Variants in BCAM observed in about 807,000 individuals in gnomAD.
The protein encoded by BCAM is basal cell adhesion molecule.
BCAM carries 61 observed loss-of-function variants against 72.4 expected under a neutral mutation model. The ratio of observed to expected loss-of-function variants is 0.84; its 90% CI spans 0.69 to 1.04. BCAM has a LOEUF of 1.04. BCAM is among the 50% of genes least tolerant of loss of function. BCAM has a pLI of 0.00. For synonymous variants in BCAM, 408 were observed against 384.2 expected, an observed-to-expected ratio of 1.06 and a Z score of -0.73; for missense variants, 909 against 895.0, an observed-to-expected ratio of 1.02 and a Z score of -0.20.
chr19:44,817,796 G>A (rs148080213), intron 8 of BCAM, among the ~76,000 whole-genome samples: 89 of 152,214 alleles, frequency 5.8e-4, no homozygotes, highest in African/African-American at 2.0e-3. Flanking sequence ...CACCCGCCTC[G>A]GCCTCCCAAA....
In BCAM at chr19:44,818,736, C is replaced by T. The variant is rs745963661; in HGVS notation, c.1195-5C>T. On this transcript the variant is annotated splice_region_variant and splice_polypyrimidine_tract_variant and intron_variant, in intron 9 of 14. Coordinates refer to ENST00000270233, the MANE Select transcript of BCAM (RefSeq NM_005581.5). This position sits in a 1 kb window ranked among gnomAD's most constrained non-coding sequence, Gnocchi z 4.6. ...AGCGTCCTCCTCCTCCTCTGCCCTT[C>T]CCAGGACTCCACTCCCCTGGGCGAT... The T allele has an allele frequency of 6.2e-7, 1 of 1,613,906 alleles. No individual in the cohort carries two copies. Among genetic ancestry groups the T allele is most frequent in the African/African-American group, 1.3e-5 (1 of 74,920 alleles).
Position 44,813,179 on chromosome 19 carries a change from A to T in BCAM, c.505-71A>T. The T allele has an allele frequency of 2.0e-6, 3 of 1,537,056 alleles. No homozygotes were observed. The highest frequency in any genetic ancestry group is 4.5e-5 in the East Asian group (2 of 44,362). ...CGGCTCATGAGTCTGAGTGGGGAGA[A>T]CTCCTGAGAGAGGAGCCCCGACTTC... On this transcript the variant is annotated intron_variant, in intron 4 of 14. Transcript: ENST00000270233. The surrounding 1 kb of genome is among the most constrained non-coding windows in gnomAD (Gnocchi z 4.2).
At position 44,814,269 on chromosome 19, in the gene BCAM, A is replaced by G; in HGVS notation, c.902A>G (p.Tyr301Cys). The G allele has an allele frequency of 6.3e-7, 1 of 1,596,160 alleles. No individual in the cohort carries two copies. Among genetic ancestry groups the G allele is most frequent in the Non-Finnish European group, 8.5e-7 (1 of 1,176,026 alleles). Residue 301 changes from tyrosine to cysteine, a missense_variant, in exon 7 of 15, where the codon TAT becomes TGT. Coordinates refer to ENST00000270233, the MANE Select transcript of BCAM (RefSeq NM_005581.5). This position sits in a 1 kb window ranked among gnomAD's most constrained non-coding sequence, Gnocchi z 4.6. ...CRGDGSPSPE[Y>C]TLFRLQDEQE... ...GGGGACGGCAGCCCCAGCCCGGAGT[A>G]TACGCTTTTCCGCCTTCAGGTGACC...
Position 44,812,432 on chromosome 19 carries a change from G to A in BCAM, c.433+41G>A, listed in dbSNP as rs563982075. ...CATCCCCCGAAGGGAGGCAGGCAGG[G>A]AGGGGCGCAGGGCAGGGGCTCCTGA... On this transcript the variant is annotated intron_variant, in intron 3 of 14. Coordinates refer to ENST00000270233, the MANE Select transcript of BCAM (RefSeq NM_005581.5). The surrounding 1 kb of genome is among the most constrained non-coding windows in gnomAD (Gnocchi z 5.3). 7.9e-5 allele frequency: 127 copies of A among 1,614,192 alleles called. 3 individuals carry two copies. The South Asian group carries it at 1.3e-3, about 17-fold the overall frequency.
rs1216507571 is a variant in BCAM, at chr19:44,819,328, T to C, written c.1474-18T>C. ...CCCCTTGACCCCACCAGCCGGGGCC[T>C]GATCGGAGCCTCCATAGCCCGCAGA... On this transcript the variant is annotated intron_variant, in intron 11 of 14. Coordinates refer to ENST00000270233, the MANE Select transcript of BCAM (RefSeq NM_005581.5). 6.2e-7 allele frequency: 1 copy of C among 1,613,956 alleles called. No individual in the cohort carries two copies. The highest frequency in any genetic ancestry group is 8.5e-7 in the Non-Finnish European group (1 of 1,179,904).
chr19:44,810,146 G>C (rs1968398039), intron 1 of BCAM, among the ~76,000 whole-genome samples: 1 of 152,124 alleles, frequency 6.6e-6, no homozygotes, highest in African/African-American at 2.4e-5. Flanking sequence ...AGCACTGAGA[G>C]CTGATGCCAG....
Position 44,813,566 on chromosome 19 carries a change from C to T in BCAM, c.730C>T (p.Pro244Ser), listed in dbSNP as rs1258346262. The change falls in exon 6 of 15, where the codon CCC becomes TCC. Residue 244 changes from proline (P) to serine (S), a missense_variant. Physicochemically the swap from Pro to Ser is moderately conservative, Grantham distance 74 (BLOSUM62 -1). Transcript: ENST00000270233. This position sits in a 1 kb window ranked among gnomAD's most constrained non-coding sequence, Gnocchi z 4.2. ...CCACTGCGCCGCCCACTACAGCCTG[C>T]CCGAGGGCCGCCACGGCCGCCTGGA... Reference protein sequence around the residue: ...SFHCAAHYSLPEGRHGRLDSP... With the variant: ...SFHCAAHYSLSEGRHGRLDSP... The T allele has an allele frequency of 6.2e-7, 1 of 1,612,506 alleles. No homozygotes were observed. Among genetic ancestry groups the T allele is most frequent in the East Asian group, 2.2e-5 (1 of 44,896 alleles).
In BCAM at chr19:44,812,594, G is replaced by A. The variant is rs1203429429; in HGVS notation, c.504+46G>A. ...GGCCCCAGGGTCCTGGAGGAGGAGG[G>A]GACAGGGCCCTGGACTCCTGGGTCT... On this transcript the variant is annotated intron_variant, in intron 4 of 14. Transcript: ENST00000270233. This position sits in a 1 kb window ranked among gnomAD's most constrained non-coding sequence, Gnocchi z 5.3. The A allele has an allele frequency of 6.2e-7, 1 of 1,606,898 alleles. No homozygotes were observed. Among genetic ancestry groups the A allele is most frequent in the East Asian group, 2.2e-5 (1 of 44,784 alleles).
rs539905238 is a variant in BCAM at position 44,819,422 on chromosome 19, G to C, written c.1550G>C (p.Arg517Pro). Residue 517 changes from arginine (R) to proline (P), a missense_variant, in exon 12 of 15, where the codon CGC becomes CCC. Arg to Pro is a moderately radical substitution (Grantham distance 103). Coordinates refer to ENST00000270233, the MANE Select transcript of BCAM (RefSeq NM_005581.5). ...CTGAAAGTGACCAGCGCCCTGAGCCGCGATGGCATCTCCTGTGAAGCCTCC... is the reference window on the plus strand; with the variant it reads ...CTGAAAGTGACCAGCGCCCTGAGCCCCGATGGCATCTCCTGTGAAGCCTCC... Reference protein sequence around the residue: ...LTLKVTSALSRDGISCEASNP... With the variant: ...LTLKVTSALSPDGISCEASNP... 1.9e-6 allele frequency: 3 copies of C among 1,614,070 alleles called. No homozygotes were observed. The highest frequency in any genetic ancestry group is 1.7e-4 in the Middle Eastern group (1 of 6,058).
Position 44,820,709 on chromosome 19 carries a change from C to A in BCAM, c.1768C>A (p.Pro590Thr). The A allele has an allele frequency of 7.1e-7, 1 of 1,401,592 alleles. No individual in the cohort carries two copies. 86.8% of individuals were successfully genotyped at this position (1,401,592 alleles called of 1,614,324 possible). A position where few individuals can be genotyped will look rare whatever the true frequency, so the allele number is the denominator to read the frequency against. ...CCCGCTGCCTCCTCCCCCCAGGCCG[C>A]CAGGGGAGCCAGGGCTGAGCCACTC... ...RQRREKGAPPPGEPGLSHSGS... is the reference protein window; with the variant it reads ...RQRREKGAPPTGEPGLSHSGS... The change falls in exon 14 of 15, where the codon CCA (proline) becomes ACA (threonine). Residue 590 changes from proline to threonine, a missense_variant. By Grantham distance (38) the Pro-to-Thr change is conservative. Transcript: ENST00000270233.
chr19:44,811,315 C>T lies in BCAM; in HGVS notation c.173C>T (p.Thr58Ile). Residue 58 changes from threonine to isoleucine, a missense_variant, in exon 2 of 15, where the codon ACC (threonine) becomes ATC (isoleucine). By Grantham distance (89) the Thr-to-Ile change is moderately conservative. Transcript: ENST00000270233. ...SVILDCTPTGTHDHYMLEWFL... is the reference protein window; with the variant it reads ...SVILDCTPTGIHDHYMLEWFL... The stretch of plus-strand genomic sequence containing the variant: ...ATTCTGGACTGCACCCCTACGGGAA[C>T]CCACGACCATTATATGCTGGAATGG... 6.2e-7 allele frequency: 1 copy of T among 1,613,342 alleles called. No homozygotes were observed.
At position 44,813,388 on chromosome 19, in the gene BCAM, G is replaced by A. The variant is rs779429041; in HGVS notation, c.601+42G>A. On this transcript the variant is annotated intron_variant, in intron 5 of 14. Transcript: ENST00000270233. The surrounding 1 kb of genome is among the most constrained non-coding windows in gnomAD (Gnocchi z 4.2). ...CGCGGCGGGACGTGGGCTGGGGTGG[G>A]TGGCGGGGCTATGGCCTGGCTGACT... The A allele has an allele frequency of 6.8e-6, 11 of 1,609,374 alleles. No individual in the cohort carries two copies. The African/African-American group carries it at 1.2e-4, about 18-fold the overall frequency.
In BCAM at chr19:44,820,754, C is replaced by T; in HGVS notation, c.1813C>T (p.Gln605Ter). Residue 605 changes from glutamine to a stop codon, truncating the protein, a stop_gained, in exon 14 of 15, where the codon CAG becomes TAG. Coordinates refer to ENST00000270233, the MANE Select transcript of BCAM (RefSeq NM_005581.5). LOFTEE classifies it high-confidence loss of function. ...CCACTCGGGGTCGGAGCAACCAGAG[C>T]AGACCGGCCTTCTCATGGGAGGTGC... is the stretch of plus-strand genomic sequence containing the variant. ...LSHSGSEQPE[Q>*]TGLLMGGASG... 1 of 1,497,302 alleles carries T rather than the reference C, an allele frequency of 6.7e-7. No homozygotes were observed. The highest frequency in any genetic ancestry group is 8.9e-7 in the Non-Finnish European group (1 of 1,118,580). The allele number at this position is 1,497,302 out of a possible 1,614,324, so 92.8% of individuals were successfully genotyped here.
rs775728050 is a variant in BCAM, at chr19:44,814,713, C to T, written c.1031C>T (p.Ala344Val). 5.6e-6 allele frequency: 9 copies of T among 1,613,820 alleles called. No homozygotes were observed. The highest frequency in any genetic ancestry group is 4.4e-5 in the South Asian group (4 of 91,074). Reference sequence around the variant, plus strand: ...GGCTGCAGAGTGGAGGATTACGACGCGGCAGATGACGTGCAGCTCTCCAAG... The same window carrying T: ...GGCTGCAGAGTGGAGGATTACGACGTGGCAGATGACGTGCAGCTCTCCAAG... ...TYGCRVEDYD[A>V]ADDVQLSKTL... Residue 344 changes from alanine (A) to valine (V), a missense_variant, in exon 8 of 15, where the codon GCG becomes GTG. Ala to Val is a moderately conservative substitution (Grantham distance 64, BLOSUM62 0). Transcript: ENST00000270233. The surrounding 1 kb of genome is among the most constrained non-coding windows in gnomAD (Gnocchi z 4.6).
chr19:44,814,580 G>C lies in BCAM; in HGVS notation c.922-24G>C, dbSNP rs1038058959. 6.2e-7 allele frequency: 1 copy of C among 1,606,196 alleles called. No individual in the cohort carries two copies. Among genetic ancestry groups the C allele is most frequent in the African/African-American group, 1.3e-5 (1 of 74,820 alleles). On this transcript the variant is annotated intron_variant, in intron 7 of 14. Coordinates refer to ENST00000270233, the MANE Select transcript of BCAM (RefSeq NM_005581.5). The surrounding 1 kb of genome is among the most constrained non-coding windows in gnomAD (Gnocchi z 4.6). ...CTGAACCGGGGTGGCTTCTGAGCCT[G>C]GTTCCTCGTCCCCCGTCTCCCAGGA... is the stretch of plus-strand genomic sequence containing the variant.
chr19:44,820,238 G>A, intron 13 of BCAM: 1 of 985,914 alleles, frequency 1.0e-6, no homozygotes, highest in Non-Finnish European at 1.2e-6. Flanking sequence ...TATCCTCCAA[G>A]CCTATCTCTC....
intron 13 of BCAM, 142 bp from the exon 14 acceptor site, chr19:44,820,563 T>A: frequency 4.3e-4 from 481 of 1,115,660 alleles, no homozygotes; most frequent in Middle Eastern, 2.3e-3. Flanking sequence ...ACCCCATCCC[T>A]ATGCCATCCC....
At chr19:44,809,094 C>T, upstream of BCAM, 1 of 1,392,932 alleles carries the variant, frequency 7.2e-7, no homozygotes, top group Non-Finnish European at 9.3e-7. Flanking sequence ...CGAGCTGCAG[C>T]CCGGGCTCAG....
Position 44,814,304 on chromosome 19 carries a change from G to A in BCAM, c.921+16G>A, listed in dbSNP as rs373526996. 16 of 1,584,554 alleles carry A rather than the reference G, an allele frequency of 1.0e-5. No homozygotes were observed. In the Admixed American group the frequency reaches 1.9e-4, roughly 19 times the overall value. On this transcript the variant is annotated intron_variant, in intron 7 of 14. Coordinates refer to ENST00000270233, the MANE Select transcript of BCAM (RefSeq NM_005581.5). This position sits in a 1 kb window ranked among gnomAD's most constrained non-coding sequence, Gnocchi z 4.6. ...CCGCCTTCAGGTGACCCACCCAAGG[G>A]TCCCTCTGGGATCCACCCCCCAGCC...
Sources: allele counts gnomAD v4.1 joint callset (sites outside exome capture counted in the v4.1 genomes callset), GRCh38; gene constraint gnomAD v4.1.1; non-coding constraint Gnocchi (gnomAD v3.1); transcripts MANE v1.5; gene names NCBI Gene and HGNC (gene_info 2026-07-23, HGNC 2026-07-21).